TMEM135: variants seen among roughly 807,000 people sequenced by gnomAD.
The protein encoded by TMEM135 is transmembrane protein 135.
A neutral mutation model predicts 60.3 loss-of-function variants in TMEM135; 30 were observed. The observed-to-expected ratio is 0.50, with a 90% CI of 0.37 to 0.68. The LOEUF (loss-of-function observed/expected upper bound fraction) is 0.68, where lower values mean the gene tolerates loss of function less well. Ranked by LOEUF, TMEM135 falls within the 30% of genes least tolerant of loss-of-function variation. TMEM135 has a pLI of 0.00. For synonymous variants in TMEM135, 190 were observed against 186.7 expected, an observed-to-expected ratio of 1.02 and a Z score of -0.14; for missense variants, 468 against 548.8, an observed-to-expected ratio of 0.85 and a Z score of 1.47.
intron 4 of TMEM135, among the ~76,000 whole-genome samples, chr11:87,114,433 T>C (rs1857826822): frequency 6.6e-6 from 1 of 152,088 alleles, no homozygotes. Context: ...AGAAAAACAA[T>C]TACAAGCTCC....
intron 6 of TMEM135, among the ~76,000 whole-genome samples, chr11:87,283,393 T>G (rs1418625550): frequency 1.3e-5 from 2 of 151,902 alleles, no homozygotes; most frequent in Non-Finnish European, 2.9e-5. Context: ...CAAAATGTTG[T>G]TTTTGCTCCA....
chr11:87,139,349 GT>G (rs1307982401), intron 4 of TMEM135, among the ~76,000 whole-genome samples: 1 of 152,068 alleles, frequency 6.6e-6, no homozygotes, highest in Non-Finnish European at 1.5e-5. Flanking sequence ...AGTTTGATGA[GT>G]TTTGGCAAAT....
intron 8 of TMEM135, among the ~76,000 whole-genome samples, 194 bp downstream of exon 8, chr11:87,302,636 AGCATAT>A (rs1565163783): frequency 6.6e-6 from 1 of 152,236 alleles, no homozygotes; most frequent in Non-Finnish European, 1.5e-5. Flanking sequence ...ACTGTAGACC[AGCATAT>A]GCCTTTAAAA....
chr11:87,322,991 T>C lies in TMEM135; in HGVS notation c.*1658T>C, dbSNP rs1364251033. 2.2e-6 allele frequency: 1 copy of C among 454,426 alleles called. No individual in the cohort carries two copies. The highest frequency in any genetic ancestry group is 4.4e-6 in the Non-Finnish European group (1 of 226,708). The allele number at this position is 454,426 out of a possible 1,614,324, so 28.1% of individuals were successfully genotyped here. On this transcript the variant is annotated 3_prime_UTR_variant, in exon 15 of 15. Transcript: ENST00000305494. The stretch of plus-strand genomic sequence containing the variant: ...TCAAAACGATGGTTGGTACTGTGTT[T>C]ACTGTTTAAAATGAAGTACTAAAGC...
rs1377377438 is a variant in TMEM135 at position 87,038,055 on chromosome 11, C to T, written c.10C>T (p.Leu4Phe). Residue 4 changes from leucine to phenylalanine, a missense_variant, in exon 1 of 15, where the codon CTC (leucine) becomes TTC (phenylalanine). Coordinates refer to ENST00000305494, the MANE Select transcript of TMEM135 (RefSeq NM_022918.4). MAALSKSIPHNCYE... is the reference protein window; with the variant it reads MAAFSKSIPHNCYE... ...CGCGCTGTTCCTCGTCATGGCGGCC[C>T]TCAGCAAGTCCATCCCTCATAACTG... is the stretch of plus-strand genomic sequence containing the variant. The T allele has an allele frequency of 6.8e-6, 11 of 1,614,036 alleles. No homozygotes were observed. Among genetic ancestry groups the T allele is most frequent in the East Asian group, 2.2e-5 (1 of 44,878 alleles).
intron 3 of TMEM135, among the ~76,000 whole-genome samples, chr11:87,083,173 G>C (rs1267756378): frequency 6.6e-6 from 1 of 152,134 alleles, no homozygotes; most frequent in East Asian, 1.9e-4. Context: ...AATCTTAATC[G>C]CATCATTGTG....
Position 87,236,655 on chromosome 11 carries a change from C to T in TMEM135, c.480C>T (p.Ile160=), listed in dbSNP as rs372317079. 5.0e-6 allele frequency: 8 copies of T among 1,612,362 alleles called. No individual in the cohort carries two copies. Among genetic ancestry groups the T allele is most frequent in the African/African-American group, 1.3e-5 (1 of 74,944 alleles). The part of the protein sequence containing the change: ...LRNGEVLLFC[I]TAAMYMFFFR... ...TGTTACAGGTCCTTTTGTTTTGCATCACAGCTGCCATGTACATGTTCTTTT... is the reference window on the plus strand; with the variant it reads ...TGTTACAGGTCCTTTTGTTTTGCATTACAGCTGCCATGTACATGTTCTTTT... The change falls in exon 6 of 15, where the codon ATC becomes ATT. Residue 160 remains isoleucine (I), a synonymous_variant. Transcript: ENST00000305494.
intron 6 of TMEM135, among the ~76,000 whole-genome samples, chr11:87,257,276 G>T (rs1359063228): frequency 2.0e-5 from 3 of 152,172 alleles, no homozygotes; most frequent in Admixed American, 1.3e-4. Context: ...TTTACTGCTT[G>T]TGAGGTGCTA....
chr11:87,203,688 T>A (rs539586849), intron 5 of TMEM135, among the ~76,000 whole-genome samples: 1 of 152,358 alleles, frequency 6.6e-6, no homozygotes, highest in African/African-American at 2.4e-5. Flanking sequence ...GGTTTTTGTG[T>A]AGACATAAGT....
chr11:87,251,338 T>C (rs1941412004), intron 6 of TMEM135, among the ~76,000 whole-genome samples: 1 of 151,982 alleles, frequency 6.6e-6, no homozygotes, highest in African/African-American at 2.4e-5. Flanking sequence ...AGGAAAGGAG[T>C]CAGTAAAGCA....
At chr11:87,256,401 A>T (rs766552328) in intron 6 of TMEM135, among the ~76,000 whole-genome samples, 28 of 152,200 alleles carry the variant, frequency 1.8e-4, no homozygotes, top group Non-Finnish European at 1.8e-4. Flanking sequence ...GCGGTTCGCT[A>T]TGAAAAGATG....
intron 13 of TMEM135, 138 bp from the exon 14 acceptor site, chr11:87,319,172 A>G (rs1942782256): frequency 3.9e-6 from 3 of 767,946 alleles, no homozygotes; most frequent in Middle Eastern, 3.6e-4. Flanking sequence ...CCCAGCCAAA[A>G]GCAACATTTT....
intron 4 of TMEM135, among the ~76,000 whole-genome samples, chr11:87,156,742 A>G (rs766193945): frequency 6.6e-6 from 1 of 152,186 alleles, no homozygotes; most frequent in Non-Finnish European, 1.5e-5. Context: ...CTGTCTCTAT[A>G]TTAGTAGCAG....
At chr11:87,100,098 G>T (rs757271857) in intron 4 of TMEM135, among the ~76,000 whole-genome samples, 1 of 151,948 alleles carries the variant, frequency 6.6e-6, no homozygotes, top group African/African-American at 2.4e-5. Flanking sequence ...TTTTTGAGGG[G>T]GTACATTTGT....
intron 5 of TMEM135, among the ~76,000 whole-genome samples, chr11:87,200,942 A>C (rs1336904303): frequency 1.3e-5 from 2 of 152,216 alleles, no homozygotes; most frequent in Non-Finnish European, 2.9e-5. Context: ...AATAATAGGC[A>C]TTCTTCCATG....
intron 6 of TMEM135, among the ~76,000 whole-genome samples, chr11:87,253,821 G>A (rs1031975292): frequency 5.3e-5 from 8 of 151,210 alleles, no homozygotes; most frequent in African/African-American, 7.3e-5. Flanking sequence ...AGTAACAATC[G>A]TTGTCTCATG....
rs146127034 is a variant in TMEM135 at position 87,218,118 on chromosome 11, G to A, written c.463-18520G>A. ...GGGATGGCAGAGGGGTGCTGTCTAG[G>A]TAAAGGCCAGCGATGCTACTAAACA... On this transcript the variant is annotated intron_variant, in intron 5 of 14. Coordinates refer to ENST00000305494, the MANE Select transcript of TMEM135 (RefSeq NM_022918.4). 3.3e-5 allele frequency among the ~76,000 whole-genome samples: 5 copies of A among 152,134 alleles called. No homozygotes were observed. In the East Asian group the frequency reaches 5.8e-4, roughly 18 times the overall value.
intron 4 of TMEM135, among the ~76,000 whole-genome samples, chr11:87,143,366 CTTTT>C (rs1293942183): frequency 1.7e-5 from 1 of 57,410 alleles, no homozygotes; most frequent in South Asian, 7.3e-4. Context: ...TTCTTTCTTT[CTTTT>C]TTTTTTTTTA....
intron 5 of TMEM135, among the ~76,000 whole-genome samples, chr11:87,195,392 T>TCCTC (rs1939928434): frequency 3.9e-5 from 3 of 77,144 alleles, no homozygotes; most frequent in Non-Finnish European, 8.8e-5. Context: ...CTTCCTTCCT[T>TCCTC]CTCTCTCTCT....
Sources: gnomAD v4.1 joint callset for allele counts (sites outside exome capture counted in the v4.1 genomes callset) on GRCh38, gnomAD v4.1.1 for gene constraint, MANE v1.5 for transcripts, NCBI Gene and HGNC (gene_info 2026-07-23, HGNC 2026-07-21) for gene names.